Variants in ADGRG1 observed in about 807,000 individuals in gnomAD.
ADGRG1 encodes 7-transmembrane protein with no EGF-like N-terminal domains-1.
Under a neutral mutation model 73.5 loss-of-function variants are expected in ADGRG1, and 53 were observed. The observed-to-expected ratio is 0.72, with a 90% CI of 0.58 to 0.91. The LOEUF (loss-of-function observed/expected upper bound fraction) is 0.91. Ranked by LOEUF, ADGRG1 falls within the 40% of genes least tolerant of loss-of-function variation. The pLI, the probability that ADGRG1 is intolerant of heterozygous loss-of-function variation, is 0.00. For missense variants in ADGRG1, 795 were observed against 871.8 expected (o/e 0.91, Z 1.11); for synonymous variants, 394 against 374.4 (o/e 1.05, Z -0.60).
At chr16:57,634,319 G>A (rs2038805719) in intron 1 of ADGRG1, 1 of 985,428 alleles carries the variant, frequency 1.0e-6, no homozygotes, top group Non-Finnish European at 1.2e-6. Flanking sequence ...GATGCTAGGG[G>A]TGAGCCCAAG....
rs1432952231 is a variant in ADGRG1, at chr16:57,662,462, G to A, written c.1933+497G>A. Among the ~76,000 whole-genome samples, 6 of 152,298 alleles carry A rather than the reference G, an allele frequency of 3.9e-5. 1 individual carries two copies. The South Asian group carries it at 8.3e-4, about 21-fold the overall frequency. On this transcript the variant is annotated intron_variant, in intron 13 of 13. Coordinates refer to ENST00000562631, the MANE Select transcript of ADGRG1 (RefSeq NM_201525.4). The stretch of plus-strand genomic sequence containing the variant: ...CGGTCCACAGACCAGCAGCAGCAGC[G>A]TTGTTAGGAGCTTTTTGGAAACGCA...
At chr16:57,628,239 A>C, upstream of ADGRG1, 1 of 918,942 alleles carries the variant, frequency 1.1e-6, no homozygotes, top group Non-Finnish European at 1.3e-6. Context: ...TGTCGCCCTG[A>C]CCTGGGGGGT....
intron 1 of ADGRG1, chr16:57,648,092 G>C (rs1254893400): frequency 6.6e-6 from 1 of 152,248 alleles, no homozygotes; most frequent in Admixed American, 6.5e-5. Flanking sequence ...TTTGGGCCTT[G>C]GATCCAAATT....
chr16:57,620,858 G>A (rs75281959), exon 1 of ADGRG1: 2,539 of 152,428 alleles, frequency 0.017, 67 homozygotes, highest in East Asian at 0.11. Context: ...GGGAACTGTC[G>A]TGGAAGAAAG....
chr16:57,623,209 G>A, upstream of ADGRG1: 5 of 985,200 alleles, frequency 5.1e-6, no homozygotes, highest in Non-Finnish European at 6.0e-6. Flanking sequence ...CTAAACAGGG[G>A]TTCACCTGCT....
In ADGRG1 at chr16:57,653,335, A is replaced by G. The variant is rs1283802331; in HGVS notation, c.620A>G (p.Gln207Arg). ...AGGCCCTCGGCTGCCCCCGCCAGCC[A>G]GTAAGTTTGGCACCTGGGGCTGTGA... Reference protein sequence around the residue: ...SRRPSAAPASQQLQSLESKLT... With the variant: ...SRRPSAAPASRQLQSLESKLT... The change falls in exon 4 of 14, where the codon CAG becomes CGG. Residue 207 changes from glutamine to arginine, a missense_variant and splice_region_variant. Gln to Arg is a conservative substitution (Grantham distance 43). Transcript: ENST00000562631. 15 of 1,608,546 alleles carry G rather than the reference A, an allele frequency of 9.3e-6. No homozygotes were observed. The highest frequency in any genetic ancestry group is 1.3e-5 in the African/African-American group (1 of 74,924).
intron 13 of ADGRG1, chr16:57,662,960 G>A (rs946498150): frequency 4.6e-5 from 45 of 985,260 alleles, no homozygotes; most frequent in South Asian, 1.4e-4. Context: ...ACCACATTTC[G>A]GTTATTTAAC....
At chr16:57,641,147 C>A (rs2040720235) in intron 1 of ADGRG1, 1 of 825,796 alleles carries the variant, frequency 1.2e-6, no homozygotes, top group Non-Finnish European at 1.5e-6. Flanking sequence ...AGTCAGGGGA[C>A]AAACATCAGA....
chr16:57,645,072 C>T (rs965405634), intron 1 of ADGRG1: 9 of 985,220 alleles, frequency 9.1e-6, no homozygotes, highest in Non-Finnish European at 8.4e-6. Flanking sequence ...CGCACACACA[C>T]CCACATGCCT....
intron 11 of ADGRG1, chr16:57,660,391 G>A (rs1567812981): frequency 1.7e-5 from 17 of 984,896 alleles, no homozygotes; most frequent in Non-Finnish European, 2.0e-5. Flanking sequence ...CACCGAACGG[G>A]CGAGGTCAAG....
chr16:57,645,303 G>A (rs1326558301), intron 1 of ADGRG1: 2 of 985,344 alleles, frequency 2.0e-6, no homozygotes, highest in Non-Finnish European at 2.4e-6. Flanking sequence ...AGGTGGGCAA[G>A]ACTAGGCTGG....
upstream of ADGRG1, chr16:57,627,629 G>A (rs1269790623): frequency 2.2e-5 from 5 of 225,014 alleles, no homozygotes; most frequent in Non-Finnish European, 3.7e-5. Flanking sequence ...AATGCAGACG[G>A]TGGTCAGCGA....
intron 1 of ADGRG1, chr16:57,640,912 G>A: frequency 4.1e-6 from 4 of 985,608 alleles, no homozygotes; most frequent in Non-Finnish European, 4.8e-6. Context: ...CTGACCTTGC[G>A]GGCCTGGCCT....
At chr16:57,645,665 C>G (rs1231943638) in intron 1 of ADGRG1, among the ~76,000 whole-genome samples, 5 of 152,184 alleles carry the variant, frequency 3.3e-5, no homozygotes, top group African/African-American at 1.2e-4. Context: ...GTATGTCCAT[C>G]AACGGGATGC....
chr16:57,658,422 CGCTGAA>C (rs2046277489), intron 10 of ADGRG1, among the ~76,000 whole-genome samples: 1 of 152,202 alleles, frequency 6.6e-6, no homozygotes, highest in South Asian at 2.1e-4. Context: ...TTGCCCTCAG[CGCTGAA>C]CCCATTTGGG....
intron 1 of ADGRG1, chr16:57,631,629 G>A (rs1420605355): frequency 3.0e-6 from 3 of 985,404 alleles, no homozygotes; most frequent in Non-Finnish European, 3.6e-6. Context: ...GGGACATCAT[G>A]TGAGCAAACC....
At chr16:57,652,022 T>A (rs536225701) in intron 3 of ADGRG1, 1 of 1,115,524 alleles carries the variant, frequency 9.0e-7, no homozygotes, top group Non-Finnish European at 1.1e-6. Flanking sequence ...GTAGACTGTT[T>A]ATTTCCTTTC....
chr16:57,642,042 T>C, intron 1 of ADGRG1: 1 of 980,108 alleles, frequency 1.0e-6, no homozygotes, highest in Non-Finnish European at 1.2e-6. Flanking sequence ...CAAGCACTAC[T>C]ACCCCTGGCT....
At chr16:57,649,677 G>C (rs1247974871) in intron 1 of ADGRG1, among the ~76,000 whole-genome samples, 1 of 152,138 alleles carries the variant, frequency 6.6e-6, no homozygotes, top group African/African-American at 2.4e-5. Context: ...CAGGAGGGAG[G>C]TACTACGATT....
Sources: allele counts gnomAD v4.1 joint callset (sites outside exome capture counted in the v4.1 genomes callset), GRCh38; gene constraint gnomAD v4.1.1; transcripts MANE v1.5; gene names NCBI Gene and HGNC (gene_info 2026-07-23, HGNC 2026-07-21).